Variants in ABCB11 observed in about 807,000 individuals in gnomAD.
ABCB11 encodes ATP binding cassette subfamily B member 11, also known as bile salt export pump.
Under a neutral mutation model 148.0 loss-of-function variants are expected in ABCB11, and 95 were observed. The ratio of observed to expected loss-of-function variants is 0.64; its 90% CI spans 0.54 to 0.76. ABCB11 has a LOEUF of 0.76. ABCB11 is among the 30% of genes least tolerant of loss of function. The pLI is 0.00. For synonymous variants in ABCB11, 591 were observed against 555.4 expected (o/e 1.06, Z -0.90); for missense variants, 1,523 against 1,617.8 (o/e 0.94, Z 1.01).
chr2:168,982,169 T>G (rs1286638175), intron 10 of ABCB11, among the ~76,000 whole-genome samples: 1 of 151,938 alleles, frequency 6.6e-6, no homozygotes, highest in Non-Finnish European at 1.5e-5. Flanking sequence ...AAGCTATGGG[T>G]GTGCTGGAGA....
intron 12 of ABCB11, among the ~76,000 whole-genome samples, chr2:168,975,066 G>A (rs964281634): frequency 1.4e-5 from 2 of 137,958 alleles, no homozygotes; most frequent in African/African-American, 5.3e-5. Context: ...ATAAAATATA[G>A]ATAAATATAT....
chr2:169,016,105 A>G (rs2106053703), intron 3 of ABCB11, among the ~76,000 whole-genome samples: 1 of 152,226 alleles, frequency 6.6e-6, no homozygotes, highest in East Asian at 1.9e-4. Flanking sequence ...CCATTCATCT[A>G]CATCCACACC....
Position 168,986,226 on chromosome 2 carries a change from C to T in ABCB11, c.967G>A (p.Gly323Arg). ...CACCACACGAATCCAGTAAAGAATC[C>T]CATCACTATTCCTTTTCTAATTCCC... Reference protein sequence around the residue: ...RWGIRKGIVMGFFTGFVWCLI... With the variant: ...RWGIRKGIVMRFFTGFVWCLI... The change falls in exon 10 of 28, where the codon GGA becomes AGA. Residue 323 changes from glycine to arginine, a missense_variant. Gly to Arg is a moderately radical substitution (Grantham distance 125). Transcript: ENST00000650372. 6.2e-7 allele frequency: 1 copy of T among 1,613,278 alleles called. No individual in the cohort carries two copies. The highest frequency in any genetic ancestry group is 8.5e-7 in the Non-Finnish European group (1 of 1,179,578).
chr2:169,009,815 T>C (rs1170303554), intron 5 of ABCB11, among the ~76,000 whole-genome samples: 3 of 152,174 alleles, frequency 2.0e-5, no homozygotes, highest in African/African-American at 7.2e-5. Flanking sequence ...AAACATCTAA[T>C]TGTACACTTC....
chr2:168,969,296 C>A, intron 16 of ABCB11, 54 bp downstream of exon 16: 2 of 1,489,838 alleles, frequency 1.3e-6, no homozygotes, highest in Non-Finnish European at 1.8e-6. Flanking sequence ...CCGTAAAGCA[C>A]TATAGACATT....
intron 21 of ABCB11, among the ~76,000 whole-genome samples, chr2:168,943,681 C>T (rs1012630702): frequency 3.3e-5 from 5 of 151,938 alleles, no homozygotes; most frequent in Admixed American, 2.6e-4. Flanking sequence ...GGGATTTCCC[C>T]CTAAGTGAAA....
rs558055598 is a variant in ABCB11, at chr2:168,984,159, G to A, written c.1083+1951C>T. ...ATAAGCTAAGGAGGAAAGGCCTTGG[G>A]AGAGGGAGCAGGATAAGAAGCCTTC... On this transcript the variant is annotated intron_variant, in intron 10 of 27. Transcript: ENST00000650372. 6.6e-5 allele frequency among the ~76,000 whole-genome samples: 10 copies of A among 152,226 alleles called. 1 individual carries two copies. In the South Asian group the frequency reaches 2.1e-3, roughly 32 times the overall value.
At chr2:168,940,784 G>C (rs552164709) in intron 21 of ABCB11, among the ~76,000 whole-genome samples, 1 of 152,034 alleles carries the variant, frequency 6.6e-6, no homozygotes. Context: ...TGACTCTCTT[G>C]TTAGGGGATA....
intron 21 of ABCB11, among the ~76,000 whole-genome samples, chr2:168,939,932 CAT>C (rs1691990246): frequency 2.0e-5 from 3 of 151,824 alleles, no homozygotes; most frequent in Non-Finnish European, 4.4e-5. Context: ...TTATTATTGC[CAT>C]CGTTTTAGAG....
At chr2:169,015,684 C>A (rs1350607306) in intron 3 of ABCB11, among the ~76,000 whole-genome samples, 1 of 152,104 alleles carries the variant, frequency 6.6e-6, no homozygotes, top group African/African-American at 2.4e-5. Context: ...CCCCACGCAC[C>A]ATTTCATAGC....
chr2:168,971,625 C>G (rs563990166), intron 14 of ABCB11, among the ~76,000 whole-genome samples: 2 of 152,044 alleles, frequency 1.3e-5, no homozygotes, highest in African/African-American at 4.8e-5. Context: ...ACAAAGTGAG[C>G]TTTTCAAAAG....
At chr2:168,946,849 G>A (rs1164889404) in intron 19 of ABCB11, among the ~76,000 whole-genome samples, 1 of 151,402 alleles carries the variant, frequency 6.6e-6, no homozygotes, top group Non-Finnish European at 1.5e-5. Context: ...TGCTCTTTTA[G>A]CTTTTTGTAT....
Position 169,014,322 on chromosome 2 carries a change from C to T in ABCB11, c.131G>A (p.Arg44Lys), listed in dbSNP as rs775156203. Reference protein sequence around the residue: ...LQDEKKGDGVRVGFFQLFRFS... With the variant: ...LQDEKKGDGVKVGFFQLFRFS... Reference sequence around the variant, plus strand: ...TATTACCAATTGAAAGAAGCCAACTCTAACGCCATCACCTTTCTTCTCATC... The same window carrying T: ...TATTACCAATTGAAAGAAGCCAACTTTAACGCCATCACCTTTCTTCTCATC... Residue 44 changes from arginine to lysine, a missense_variant, in exon 4 of 28, where the codon AGA (arginine) becomes AAA (lysine). By Grantham distance (26) the Arg-to-Lys change is conservative. Coordinates refer to ENST00000650372, the MANE Select transcript of ABCB11 (RefSeq NM_003742.4). 1 of 1,613,470 alleles carries T rather than the reference C, an allele frequency of 6.2e-7. No individual in the cohort carries two copies. Among genetic ancestry groups the T allele is most frequent in the Non-Finnish European group, 8.5e-7 (1 of 1,179,590 alleles).
Position 168,937,319 on chromosome 2 carries a change from G to A in ABCB11, c.2611-886C>T, listed in dbSNP as rs78995077. On this transcript the variant is annotated intron_variant, in intron 21 of 27. Coordinates refer to ENST00000650372, the MANE Select transcript of ABCB11 (RefSeq NM_003742.4). ...GAATAATGCTGCTATGAACACTGGT[G>A]TATAAGCACCTTTCAAGTCCCTGCT... Among the ~76,000 whole-genome samples the A allele has an allele frequency of 6.1e-3, 933 of 152,268 alleles. 10 individuals are homozygous for A. The highest frequency in any genetic ancestry group is 0.021 in the African/African-American group (861 of 41,558).
chr2:168,943,112 C>T (rs1339309373), intron 21 of ABCB11, among the ~76,000 whole-genome samples: 4 of 151,868 alleles, frequency 2.6e-5, no homozygotes, highest in Non-Finnish European at 5.9e-5. Flanking sequence ...TAATTAGATG[C>T]TACTCTCTGA....
intron 18 of ABCB11, among the ~76,000 whole-genome samples, chr2:168,959,934 CAA>C (rs375450217): frequency 0.065 from 5,611 of 86,850 alleles, 265 homozygotes; most frequent in African/African-American, 0.2. Flanking sequence ...ACTGCATCTC[CAA>C]AAAAAAAAAA....
At chr2:168,938,220 A>G (rs1017767104) in intron 21 of ABCB11, among the ~76,000 whole-genome samples, 2 of 152,220 alleles carry the variant, frequency 1.3e-5, no homozygotes, top group Non-Finnish European at 2.9e-5. Flanking sequence ...AGGCTAAATC[A>G]AGAATTTCTC....
At position 168,922,501 on chromosome 2, in the gene ABCB11, A is replaced by G. The variant is rs1042567705; in HGVS notation, c.*1121T>C. Among the ~76,000 whole-genome samples the G allele has an allele frequency of 6.6e-6, 1 of 152,122 alleles. No individual in the cohort carries two copies. The highest frequency in any genetic ancestry group is 2.4e-5 in the African/African-American group (1 of 41,418). Reference sequence around the variant, plus strand: ...TTCCAGAAGGATCCAGTGTTTTTACATCTTGAAACTTTCTAGGGGTCTGTG... The same window carrying G: ...TTCCAGAAGGATCCAGTGTTTTTACGTCTTGAAACTTTCTAGGGGTCTGTG... On this transcript the variant is annotated 3_prime_UTR_variant, in exon 28 of 28. Coordinates refer to ENST00000650372, the MANE Select transcript of ABCB11 (RefSeq NM_003742.4).
At chr2:168,995,581 AG>A in intron 6 of ABCB11, 99 bp from the exon 7 acceptor site, 1 of 1,285,610 alleles carries the variant, frequency 7.8e-7, no homozygotes, top group Non-Finnish European at 1.1e-6. Flanking sequence ...AGTTGAGAAA[AG>A]GGGGAAAGTA....
Sources: allele counts gnomAD v4.1 joint callset (sites outside exome capture counted in the v4.1 genomes callset), GRCh38; gene constraint gnomAD v4.1.1; transcripts MANE v1.5; gene names NCBI Gene and HGNC (gene_info 2026-07-23, HGNC 2026-07-21).